Variants in CACNB4 observed in about 807,000 individuals in gnomAD.
CACNB4 encodes the protein calcium voltage-gated channel auxiliary subunit beta 4, also known as voltage-dependent L-type calcium channel subunit beta-4.
CACNB4 carries 32 observed loss-of-function variants against 71.2 expected under a neutral mutation model. The ratio of observed to expected loss-of-function variants is 0.45; its 90% confidence interval spans 0.34 to 0.60. The LOEUF is 0.60. Among genes scored for constraint, CACNB4 ranks in the 20% least tolerant of loss-of-function variants. The pLI is 0.01. For missense variants in CACNB4, 464 were observed against 647.9 expected, an observed-to-expected ratio of 0.72 and a Z score of 3.08; for synonymous variants, 231 against 236.9, an observed-to-expected ratio of 0.97 and a Z score of 0.23.
intron 10 of CACNB4, 99 bp from the exon 11 acceptor site, chr2:151,855,474 C>CA: frequency 1.2e-6 from 1 of 858,130 alleles, no homozygotes. Context: ...GTCTACATTA[C>CA]AAAATAAAAC....
At chr2:151,957,264 G>A (rs938440324) in intron 2 of CACNB4, among the ~76,000 whole-genome samples, 81 of 147,706 alleles carry the variant, frequency 5.5e-4, no homozygotes, top group Middle Eastern at 3.5e-3. Flanking sequence ...GGGCGTGTGT[G>A]TGTGTGTGTG....
chr2:151,962,251 C>T (rs2099869858), intron 2 of CACNB4, among the ~76,000 whole-genome samples: 1 of 152,218 alleles, frequency 6.6e-6, no homozygotes, highest in African/African-American at 2.4e-5. Flanking sequence ...TCCCAGGTTC[C>T]TATAACCACA....
intron 6 of CACNB4, chr2:151,872,144 T>G (rs2099844797): frequency 6.0e-6 from 2 of 331,804 alleles, no homozygotes; most frequent in South Asian, 5.9e-5. Context: ...AAATAATGAA[T>G]TTTTTGAATA....
At chr2:151,927,883 C>T (rs2099860641) in intron 2 of CACNB4, among the ~76,000 whole-genome samples, 1 of 152,232 alleles carries the variant, frequency 6.6e-6, no homozygotes, top group Admixed American at 6.5e-5. Flanking sequence ...TTTCTGCTTT[C>T]TGCTTTTCCC....
At chr2:151,966,082 G>GTA in intron 2 of CACNB4, among the ~76,000 whole-genome samples, 1 of 152,106 alleles carries the variant, frequency 6.6e-6, no homozygotes, top group East Asian at 1.9e-4. Context: ...TGAAGAAACT[G>GTA]CTTATCAGCA....
intron 2 of CACNB4, among the ~76,000 whole-genome samples, chr2:152,020,103 C>T (rs1683571517): frequency 6.6e-6 from 1 of 152,224 alleles, no homozygotes; most frequent in African/African-American, 2.4e-5. Flanking sequence ...GTCTCTGGAA[C>T]CTAGAGATCC....
intron 2 of CACNB4, among the ~76,000 whole-genome samples, chr2:151,939,057 A>T (rs2151626324): frequency 6.6e-6 from 1 of 152,366 alleles, no homozygotes; most frequent in South Asian, 2.1e-4. Context: ...TTGTTGCAAG[A>T]CATTAACCTT....
At chr2:152,085,090 G>A (rs1197412248) in intron 2 of CACNB4, among the ~76,000 whole-genome samples, 2 of 152,108 alleles carry the variant, frequency 1.3e-5, no homozygotes, top group African/African-American at 4.8e-5. Context: ...TTTGACAAGT[G>A]GGAAGATTAT....
At chr2:151,927,115 T>A (rs1578831151) in intron 2 of CACNB4, among the ~76,000 whole-genome samples, 1 of 152,148 alleles carries the variant, frequency 6.6e-6, no homozygotes, top group Non-Finnish European at 1.5e-5. Flanking sequence ...AAGTTAGGAA[T>A]TTTTTTGGAA....
chr2:151,834,117 GA>G lies in CACNB4; in HGVS notation c.*5001del, dbSNP rs1003861962. On this transcript the variant is annotated 3_prime_UTR_variant, in exon 14 of 14. Coordinates refer to ENST00000539935, the MANE Select transcript of CACNB4 (RefSeq NM_000726.5). Reference sequence around the variant, plus strand: ...AAATATAGACATAGCCATTTGTTGAGAAATTTAAGTGTTCAAAACATAACCA... The same window carrying G: ...AAATATAGACATAGCCATTTGTTGAGAATTTAAGTGTTCAAAACATAACCA... 23 of 152,170 alleles carry G rather than the reference GA, an allele frequency of 1.5e-4. No homozygotes were observed. Among genetic ancestry groups the G allele is most frequent in the African/African-American group, 5.5e-4 (23 of 41,556 alleles). The allele number at this position is 152,170 out of a possible 1,614,324, so 9.4% of individuals were successfully genotyped here. A position where few individuals can be genotyped will look rare whatever the true frequency, so the allele number is the denominator to read the frequency against.
chr2:152,020,719 C>A (rs552788185), intron 2 of CACNB4, among the ~76,000 whole-genome samples: 1 of 152,066 alleles, frequency 6.6e-6, no homozygotes, highest in Non-Finnish European at 1.5e-5. Context: ...TAACAGGTGG[C>A]GATGCTGGTA....
At chr2:151,879,428 C>A (rs980744479) in intron 4 of CACNB4, 1 of 148,914 alleles carries the variant, frequency 6.7e-6, no homozygotes, top group Non-Finnish European at 1.5e-5. Context: ...ATAGTTGTAG[C>A]TTTTCTCTGC....
intron 2 of CACNB4, among the ~76,000 whole-genome samples, chr2:151,951,817 C>T (rs530757005): frequency 6.6e-6 from 1 of 152,306 alleles, no homozygotes; most frequent in Admixed American, 6.5e-5. Flanking sequence ...CCTCCTTCCT[C>T]TGGTCTTCAA....
chr2:151,968,980 A>T (rs2099871832), intron 2 of CACNB4: 1 of 152,256 alleles, frequency 6.6e-6, no homozygotes, highest in Non-Finnish European at 1.5e-5. Flanking sequence ...TGCCAATTAT[A>T]TCTAGAAATA....
upstream of CACNB4, chr2:152,099,116 G>C (rs890311086): frequency 3.4e-5 from 23 of 674,636 alleles, no homozygotes; most frequent in Non-Finnish European, 4.7e-5. Context: ...TTCCCCACCC[G>C]GCTCCAGGAC....
intron 12 of CACNB4, among the ~76,000 whole-genome samples, chr2:151,850,003 G>A (rs548779741): frequency 6.6e-6 from 1 of 152,176 alleles, no homozygotes; most frequent in East Asian, 1.9e-4. Flanking sequence ...TTGCAAAGGA[G>A]TCTATATAGC....
At chr2:152,068,898 T>C (rs758037430) in intron 2 of CACNB4, among the ~76,000 whole-genome samples, 1 of 152,142 alleles carries the variant, frequency 6.6e-6, no homozygotes, top group Non-Finnish European at 1.5e-5. Context: ...AACCATGTCA[T>C]GTCCTCTAGG....
chr2:152,016,251 A>G (rs1683338174), intron 2 of CACNB4, among the ~76,000 whole-genome samples: 1 of 152,242 alleles, frequency 6.6e-6, no homozygotes, highest in African/African-American at 2.4e-5. Flanking sequence ...AATGGCAAGA[A>G]AGTAAAAAGA....
At chr2:151,874,903 A>C in intron 5 of CACNB4, 1 of 398,972 alleles carries the variant, frequency 2.5e-6, no homozygotes, top group Non-Finnish European at 4.4e-6. Context: ...TCAGTAGCTC[A>C]CTAGAGGTTG....
Sources: allele counts gnomAD v4.1 joint callset (sites outside exome capture counted in the v4.1 genomes callset), GRCh38; gene constraint gnomAD v4.1.1; transcripts MANE v1.5; gene names NCBI Gene and HGNC (gene_info 2026-07-23, HGNC 2026-07-21).